The following KSR2 variants were observed in gnomAD, a reference collection of about 807,000 sequenced individuals.
The protein encoded by KSR2 is kinase suppressor of ras 2.
A neutral mutation model predicts 107.8 loss-of-function variants in KSR2; 25 were observed. The observed-to-expected ratio is 0.23, with a 90% confidence interval of 0.17 to 0.32. The LOEUF is 0.32. KSR2 is among the 10% of genes least tolerant of loss of function. KSR2 has a pLI of 1.00. For synonymous variants in KSR2, 480 were observed against 507.0 expected, an observed-to-expected ratio of 0.95 and a Z score of 0.71; for missense variants, 887 against 1,268.9, an observed-to-expected ratio of 0.70 and a Z score of 4.57.
Position 117,502,535 on chromosome 12 carries a change from C to T in KSR2, c.2220-16844G>A, listed in dbSNP as rs191168928. ...GTGGGGAATGACTGGTAATGGGTAT[C>T]GAATCGATTCCGTTTTTTTGAGGAG... On this transcript the variant is annotated intron_variant, in intron 14 of 19. Coordinates refer to ENST00000339824, the MANE Select transcript of KSR2 (RefSeq NM_173598.6). Among the ~76,000 whole-genome samples, 41 of 151,958 alleles carry T rather than the reference C, an allele frequency of 2.7e-4. No individual in the cohort carries two copies. The East Asian group carries it at 6.8e-3, about 25-fold the overall frequency.
chr12:117,958,948 C>T (rs1896589572), intron 1 of KSR2, among the ~76,000 whole-genome samples: 1 of 151,976 alleles, frequency 6.6e-6, no homozygotes, highest in African/African-American at 2.4e-5. Flanking sequence ...GTACAGTAAA[C>T]AATAATCTAT....
intron 7 of KSR2, among the ~76,000 whole-genome samples, chr12:117,570,845 G>GCT (rs1565905549): frequency 6.6e-6 from 1 of 152,170 alleles, no homozygotes. Context: ...CCTGAACTCA[G>GCT]CTCTCTCTCT....
chr12:117,626,230 T>A (rs1050635064), intron 5 of KSR2, among the ~76,000 whole-genome samples: 2 of 152,182 alleles, frequency 1.3e-5, no homozygotes, highest in African/African-American at 4.8e-5. Context: ...TCTTAGTTAT[T>A]TCTTGTCTTC....
In KSR2 at chr12:117,717,666, G is replaced by GTAT. The variant is rs1887038768; in HGVS notation, c.986+43344_986+43345insATA. Reference sequence around the variant, plus strand: ...CCATGTGGCATGTGTGGGGCAGACAGGTGTGTGTGTGTGTGTGTGTGTGTG... The same window carrying GTAT: ...CCATGTGGCATGTGTGGGGCAGACAGTATGTGTGTGTGTGTGTGTGTGTGTGTG... On this transcript the variant is annotated intron_variant, in intron 4 of 19. Transcript: ENST00000339824. Among the ~76,000 whole-genome samples, 568 of 144,474 alleles carry GTAT rather than the reference G, an allele frequency of 3.9e-3. 5 individuals carry two copies. The highest frequency in any genetic ancestry group is 0.021 in the Middle Eastern group (6 of 290). 94.8% of individuals were successfully genotyped at this position (144,474 alleles called of 152,430 possible). A position where few individuals can be genotyped will look rare whatever the true frequency, so the allele number is the denominator to read the frequency against.
intron 4 of KSR2, among the ~76,000 whole-genome samples, chr12:117,690,889 T>C (rs1885785228): frequency 6.6e-6 from 1 of 152,224 alleles, no homozygotes; most frequent in East Asian, 1.9e-4. Flanking sequence ...TTCTCTGTTC[T>C]CACCATGCAC....
intron 2 of KSR2, among the ~76,000 whole-genome samples, chr12:117,858,912 T>C (rs1176728924): frequency 1.3e-5 from 2 of 152,202 alleles, no homozygotes; most frequent in African/African-American, 4.8e-5. Context: ...GCACAATGCC[T>C]GGCATGAAAG....
chr12:117,769,744 G>C (rs942499936), intron 3 of KSR2, among the ~76,000 whole-genome samples: 1 of 152,128 alleles, frequency 6.6e-6, no homozygotes, highest in Non-Finnish European at 1.5e-5. Context: ...GCCTGACACA[G>C]AGCTCACACT....
chr12:117,610,847 C>T (rs1343249108), intron 5 of KSR2, among the ~76,000 whole-genome samples: 2 of 151,170 alleles, frequency 1.3e-5, no homozygotes, highest in Non-Finnish European at 2.9e-5. Context: ...GACAGACAGA[C>T]ATATAGATAG....
chr12:117,614,420 CA>C (rs1881764881), intron 5 of KSR2, among the ~76,000 whole-genome samples: 2 of 152,258 alleles, frequency 1.3e-5, no homozygotes, highest in South Asian at 4.2e-4. Flanking sequence ...TGGAAGGATA[CA>C]AATGAATAAT....
At chr12:117,798,016 T>A (rs74239228) in intron 3 of KSR2, among the ~76,000 whole-genome samples, 21,812 of 152,060 alleles carry the variant, frequency 0.14, 2,560 homozygotes, top group African/African-American at 0.31. Flanking sequence ...GACCGGAAAG[T>A]GTGAAGTGCT....
At position 117,456,611 on chromosome 12, in the gene KSR2, C is replaced by G. The variant is rs1050691031; in HGVS notation, c.*10588G>C. Reference sequence around the variant, plus strand: ...GAGCCCCAGCCAACTCAACTGTCTTCTTGGAAGGTGTCCCAATTCCCAAAG... The same window carrying G: ...GAGCCCCAGCCAACTCAACTGTCTTGTTGGAAGGTGTCCCAATTCCCAAAG... On this transcript the variant is annotated 3_prime_UTR_variant, in exon 20 of 20. Transcript: ENST00000339824. 6.6e-6 allele frequency: 1 copy of G among 152,250 alleles called. No individual in the cohort carries two copies. The highest frequency in any genetic ancestry group is 2.4e-5 in the African/African-American group (1 of 41,444). 9.4% of individuals were successfully genotyped at this position (152,250 alleles called of 1,614,324 possible).
At chr12:117,700,017 C>G (rs575525123) in intron 4 of KSR2, among the ~76,000 whole-genome samples, 1 of 151,448 alleles carries the variant, frequency 6.6e-6, no homozygotes, top group Non-Finnish European at 1.5e-5. Flanking sequence ...GGACTGCAGG[C>G]GCCCACCACC....
intron 8 of KSR2, among the ~76,000 whole-genome samples, chr12:117,555,821 T>C (rs1381739418): frequency 5.3e-5 from 8 of 152,236 alleles, no homozygotes; most frequent in Non-Finnish European, 1.2e-4. Context: ...GCTAAATAAA[T>C]GCTTCCTGAT....
intron 4 of KSR2, among the ~76,000 whole-genome samples, chr12:117,738,563 T>TA (rs987605838): frequency 2.0e-5 from 3 of 151,590 alleles, no homozygotes; most frequent in Admixed American, 6.6e-5. Context: ...AAAGGTACAG[T>TA]AAAAAAAAGA....
chr12:117,955,215 T>C (rs12813410), intron 1 of KSR2, among the ~76,000 whole-genome samples: 2 of 151,964 alleles, frequency 1.3e-5, no homozygotes, highest in Non-Finnish European at 2.9e-5. Context: ...TCAATCTCCC[T>C]GGGCTCAAGT....
intron 4 of KSR2, among the ~76,000 whole-genome samples, chr12:117,740,189 C>T (rs1194923863): frequency 6.7e-6 from 1 of 149,844 alleles, no homozygotes; most frequent in African/African-American, 2.5e-5. Flanking sequence ...GTTTGGTTTT[C>T]CATTCCTGAG....
At chr12:117,524,406 C>G (rs1220985521) in intron 14 of KSR2, among the ~76,000 whole-genome samples, 1 of 152,106 alleles carries the variant, frequency 6.6e-6, no homozygotes, top group Non-Finnish European at 1.5e-5. Flanking sequence ...GCTTACAGGC[C>G]TGTAATCCCA....
intron 3 of KSR2, among the ~76,000 whole-genome samples, chr12:117,792,186 T>G (rs1237030091): frequency 6.6e-6 from 1 of 150,678 alleles, no homozygotes; most frequent in Non-Finnish European, 1.5e-5. Flanking sequence ...AAAAAAAAAA[T>G]AAATAAAAAT....
chr12:117,797,092 A>C (rs749982422), intron 3 of KSR2, among the ~76,000 whole-genome samples: 10 of 152,182 alleles, frequency 6.6e-5, no homozygotes, highest in Non-Finnish European at 1.3e-4. Context: ...TCCTCAAAAA[A>C]GTGAAACATA....
Sources: allele counts gnomAD v4.1 joint callset (sites outside exome capture counted in the v4.1 genomes callset), GRCh38; gene constraint gnomAD v4.1.1; transcripts MANE v1.5; gene names NCBI Gene and HGNC (gene_info 2026-07-23, HGNC 2026-07-21).